The following PAWR variants were observed in gnomAD, a reference collection of about 807,000 sequenced individuals.
PAWR encodes the protein PRKC apoptosis WT1 regulator protein.
PAWR carries 23 observed loss-of-function variants against 32.0 expected under a neutral mutation model. That is an observed-to-expected ratio of 0.72 (90% confidence interval 0.52 to 1.02). The LOEUF (loss-of-function observed/expected upper bound fraction) is 1.02. PAWR is among the 50% of genes least tolerant of loss of function. The pLI is 0.00. For synonymous variants in PAWR, 226 were observed against 187.1 expected, an observed-to-expected ratio of 1.21 and a Z score of -1.70; for missense variants, 457 against 437.7, an observed-to-expected ratio of 1.04 and a Z score of -0.39.
intron 3 of PAWR, among the ~76,000 whole-genome samples, chr12:79,618,136 T>G (rs1451232561): frequency 1.3e-5 from 2 of 152,070 alleles, no homozygotes; most frequent in Non-Finnish European, 2.9e-5. Context: ...TTTTTTTTTT[T>G]GTTTCTTTTT....
chr12:79,645,328 A>G (rs534290235), intron 2 of PAWR, among the ~76,000 whole-genome samples: 4 of 152,344 alleles, frequency 2.6e-5, no homozygotes, highest in South Asian at 4.1e-4. Context: ...ATCTAAGGAC[A>G]TCATGAAAAG....
chr12:79,632,300 TATATATACATAC>T (rs1218887537), intron 2 of PAWR: 3,415 of 7,506 alleles, frequency 0.45, 738 homozygotes, highest in Non-Finnish European at 0.53. Context: ...TATATACATA[TATATATACATAC>T]ATATATATAT....
intron 2 of PAWR, among the ~76,000 whole-genome samples, chr12:79,632,361 A>ATATATATTT (rs1566011212): frequency 4.9e-5 from 1 of 20,606 alleles, no homozygotes; most frequent in Non-Finnish European, 7.7e-5. Flanking sequence ...ATATATATAT[A>ATATATATTT]TTTTTTTTTT....
chr12:79,585,186 G>A lies in PAWR; in HGVS notation c.*7421C>T, dbSNP rs1176896613. On this transcript the variant is annotated 3_prime_UTR_variant, in exon 7 of 7. Coordinates refer to ENST00000328827, the MANE Select transcript of PAWR (RefSeq NM_002583.4). ...CAAAACAAAAACAAACAAAAAACAAGTTCATGTTATTTCTACAATGTCCAA... is the reference window on the plus strand; with the variant it reads ...CAAAACAAAAACAAACAAAAAACAAATTCATGTTATTTCTACAATGTCCAA... 1 of 450,716 alleles carries A rather than the reference G, an allele frequency of 2.2e-6. No homozygotes were observed. The highest frequency in any genetic ancestry group is 2.0e-5 in the African/African-American group (1 of 49,648). The allele number at this position is 450,716 out of a possible 1,614,324, so 27.9% of individuals were successfully genotyped here. A position where few individuals can be genotyped will look rare whatever the true frequency, so the allele number is the denominator to read the frequency against.
chr12:79,612,891 GTGTTACTC>G (rs2136698292), intron 4 of PAWR, among the ~76,000 whole-genome samples: 1 of 152,272 alleles, frequency 6.6e-6, no homozygotes, highest in East Asian at 1.9e-4. Context: ...CTGGTTAGAA[GTGTTACTC>G]ATTGTGTACA....
intron 2 of PAWR, 79 bp downstream of exon 2, chr12:79,689,650 G>A (rs1017429734): frequency 2.0e-6 from 3 of 1,471,178 alleles, no homozygotes; most frequent in Admixed American, 2.1e-5. Context: ...TCTGCGCCCC[G>A]GGTAGCTCCC....
chr12:79,665,391 C>T (rs1465972334), intron 2 of PAWR, among the ~76,000 whole-genome samples: 1 of 152,208 alleles, frequency 6.6e-6, no homozygotes, highest in Non-Finnish European at 1.5e-5. Flanking sequence ...CAACTCACAT[C>T]CTTCCCACAT....
intron 2 of PAWR, among the ~76,000 whole-genome samples, chr12:79,653,444 A>G (rs377707890): frequency 3.0e-4 from 46 of 152,004 alleles, no homozygotes; most frequent in African/African-American, 9.2e-4. Flanking sequence ...TGCAATTTCA[A>G]TTTTCTTAAA....
At chr12:79,632,928 G>A (rs1219587179) in intron 2 of PAWR, among the ~76,000 whole-genome samples, 1 of 151,934 alleles carries the variant, frequency 6.6e-6, no homozygotes, top group Non-Finnish European at 1.5e-5. Context: ...GAGGCCAGGA[G>A]TTCGAGACCA....
intron 2 of PAWR, among the ~76,000 whole-genome samples, chr12:79,625,939 C>T (rs959035748): frequency 4.6e-5 from 7 of 151,230 alleles, no homozygotes; most frequent in Non-Finnish European, 8.8e-5. Flanking sequence ...CCGAGGCAGG[C>T]GGATCATGAG....
chr12:79,648,388 T>C (rs753915291), intron 2 of PAWR, among the ~76,000 whole-genome samples: 4 of 151,988 alleles, frequency 2.6e-5, no homozygotes, highest in Non-Finnish European at 4.4e-5. Flanking sequence ...ATACCCAAAA[T>C]TTAAGTGGCC....
At chr12:79,645,068 A>ACACAC (rs1555175769) in intron 2 of PAWR, among the ~76,000 whole-genome samples, 1 of 151,228 alleles carries the variant, frequency 6.6e-6, no homozygotes, top group African/African-American at 2.4e-5. Flanking sequence ...ACACACACAC[A>ACACAC]AAAATCAATG....
chr12:79,682,576 A>G (rs1323781973), intron 2 of PAWR, among the ~76,000 whole-genome samples: 3 of 152,240 alleles, frequency 2.0e-5, no homozygotes, highest in Admixed American at 1.3e-4. Flanking sequence ...GTCAACTGAC[A>G]TGCTAAGATT....
At chr12:79,629,093 A>T (rs1855155267) in intron 2 of PAWR, among the ~76,000 whole-genome samples, 1 of 152,106 alleles carries the variant, frequency 6.6e-6, no homozygotes, top group African/African-American at 2.4e-5. Flanking sequence ...GCAGAAAAAA[A>T]AGGAGAGAAC....
chr12:79,632,312 CATATATATATATAT>C lies in PAWR; in HGVS notation c.517-11119_517-11106del, dbSNP rs71091677. On this transcript the variant is annotated intron_variant, in intron 2 of 6. Transcript: ENST00000328827. The stretch of plus-strand genomic sequence containing the variant: ...AAATATATACATATATATATACATA[CATATATATATATAT>C]ATATATATATATATATATATATATA... The C allele has an allele frequency of 7.3e-3, 85 of 11,566 alleles. 1 individual carries two copies. The highest frequency in any genetic ancestry group is 9.8e-3 in the Admixed American group (6 of 610). 0.7% of individuals were successfully genotyped at this position (11,566 alleles called of 1,614,324 possible).
intron 2 of PAWR, among the ~76,000 whole-genome samples, chr12:79,634,445 T>C (rs987790261): frequency 4.6e-5 from 7 of 152,094 alleles, no homozygotes; most frequent in African/African-American, 7.2e-5. Flanking sequence ...ATCTCATAAT[T>C]CTCACAAAAA....
intron 2 of PAWR, among the ~76,000 whole-genome samples, chr12:79,677,723 A>G (rs2136871523): frequency 6.6e-6 from 1 of 152,282 alleles, no homozygotes; most frequent in Middle Eastern, 3.4e-3. Flanking sequence ...ATGGAGGGAG[A>G]AAACACTTGT....
intron 2 of PAWR, among the ~76,000 whole-genome samples, chr12:79,633,215 C>T (rs896120829): frequency 2.6e-5 from 4 of 151,868 alleles, no homozygotes; most frequent in African/African-American, 4.8e-5. Context: ...AATAAAAAGG[C>T]GTGCCACAGA....
intron 4 of PAWR, among the ~76,000 whole-genome samples, chr12:79,612,976 A>G (rs1362582493): frequency 1.3e-5 from 2 of 152,166 alleles, no homozygotes; most frequent in Non-Finnish European, 2.9e-5. Context: ...CCTTAATGAG[A>G]TGGAGCCCTT....
Sources: allele counts gnomAD v4.1 joint callset (sites outside exome capture counted in the v4.1 genomes callset), GRCh38; gene constraint gnomAD v4.1.1; transcripts MANE v1.5; gene names NCBI Gene and HGNC (gene_info 2026-07-23, HGNC 2026-07-21).